The following ADAMTS2 variants were observed in gnomAD, a reference collection of about 807,000 sequenced individuals.
ADAMTS2 encodes ADAM metallopeptidase with thrombospondin type 1 motif 2.
ADAMTS2 carries 50 observed loss-of-function variants against 123.0 expected under a neutral mutation model. The observed-to-expected ratio is 0.41, with a 90% CI of 0.32 to 0.51. ADAMTS2 has a LOEUF of 0.51. Among genes scored for constraint, ADAMTS2 ranks in the 20% least tolerant of loss-of-function variants. The pLI, the probability that ADAMTS2 is intolerant of heterozygous loss-of-function variation, is 0.35. For missense variants in ADAMTS2, 1,494 were observed against 1,705.2 expected (o/e 0.88, Z 2.18); for synonymous variants, 678 against 695.4 (o/e 0.98, Z 0.39).
At chr5:179,192,372 G>C (rs1764326344) in intron 4 of ADAMTS2, among the ~76,000 whole-genome samples, 1 of 152,234 alleles carries the variant, frequency 6.6e-6, no homozygotes, top group Non-Finnish European at 1.5e-5. Flanking sequence ...ACCCAGAGCA[G>C]ATGTTCCAGC....
intron 2 of ADAMTS2, among the ~76,000 whole-genome samples, chr5:179,302,649 A>C (rs984239546): frequency 1.3e-5 from 2 of 151,828 alleles, no homozygotes; most frequent in Non-Finnish European, 2.9e-5. Flanking sequence ...CGGGGGGGCA[A>C]ATGGCAGTAA....
At chr5:179,224,460 G>T (rs1197903223) in intron 3 of ADAMTS2, among the ~76,000 whole-genome samples, 3 of 152,226 alleles carry the variant, frequency 2.0e-5, no homozygotes, top group Non-Finnish European at 4.4e-5. Context: ...GTTGAACAGA[G>T]AGAAACGGTC....
rs761111411 is a variant in ADAMTS2 at position 179,114,105 on chromosome 5, C to T, written c.3398G>A (p.Arg1133Gln). 27 of 1,613,986 alleles carry T rather than the reference C, an allele frequency of 1.7e-5. No individual in the cohort carries two copies. Among genetic ancestry groups the T allele is most frequent in the South Asian group, 8.8e-5 (8 of 91,076 alleles). The change falls in exon 22 of 22, where the codon CGG (arginine) becomes CAG (glutamine). Residue 1133 changes from arginine to glutamine, a missense_variant. Physicochemically the swap from Arg to Gln is conservative, Grantham distance 43. This residue lies in a region of ADAMTS2 where 953 missense variants were observed against 1,124.7 expected (regional missense o/e 0.85). Coordinates refer to ENST00000251582, the MANE Select transcript of ADAMTS2 (RefSeq NM_014244.5). ...CTCCAGGGGGGTGCTTGGTGATGGC[C>T]GCACCTCCATGGCTACAGTGGGCAC... is the stretch of plus-strand genomic sequence containing the variant. ...LPVPTVAMEV[R>Q]PSPSTPLEVP...
chr5:179,172,496 C>T (rs761039753), intron 5 of ADAMTS2, among the ~76,000 whole-genome samples: 4 of 152,338 alleles, frequency 2.6e-5, no homozygotes, highest in Non-Finnish European at 4.4e-5. Flanking sequence ...AACCCAGGGG[C>T]GTGGGCTTCT....
chr5:179,144,156 G>A (rs1410690768), intron 10 of ADAMTS2, among the ~76,000 whole-genome samples: 1 of 151,982 alleles, frequency 6.6e-6, no homozygotes, highest in Non-Finnish European at 1.5e-5. Flanking sequence ...ATTTAAAAAT[G>A]AAATTAAGAA....
In ADAMTS2 at chr5:179,143,092, C is replaced by T. The variant is rs141017896; in HGVS notation, c.1630-3057G>A. On this transcript the variant is annotated intron_variant, in intron 10 of 21. Coordinates refer to ENST00000251582, the MANE Select transcript of ADAMTS2 (RefSeq NM_014244.5). ...GAACTAAAGGAGAGTACAGGAATGA[C>T]GTGTCACCAAATGGAGAATCTCAGT... is the stretch of plus-strand genomic sequence containing the variant. Among the ~76,000 whole-genome samples, 6 of 152,166 alleles carry T rather than the reference C, an allele frequency of 3.9e-5. No individual in the cohort carries two copies. In the East Asian group the frequency reaches 9.6e-4, roughly 24 times the overall value.
At position 179,272,313 on chromosome 5, in the gene ADAMTS2, C is replaced by G. The variant is rs1766558649; in HGVS notation, c.688+598G>C. 6.6e-6 allele frequency among the ~76,000 whole-genome samples: 1 copy of G among 152,192 alleles called. No individual in the cohort carries two copies. The highest frequency in any genetic ancestry group is 1.5e-5 in the Non-Finnish European group (1 of 68,030). ...GTTCTGAGTTGAAAAAGACAGACGC[C>G]CATGAGTCTGTGCAGAGACTGCTGA... On this transcript the variant is annotated intron_variant, in intron 3 of 21. Coordinates refer to ENST00000251582, the MANE Select transcript of ADAMTS2 (RefSeq NM_014244.5). The surrounding 1 kb of genome is among the most constrained non-coding windows in gnomAD (Gnocchi z 5.8).
At chr5:179,293,653 G>A (rs371489275) in intron 2 of ADAMTS2, among the ~76,000 whole-genome samples, 27 of 152,090 alleles carry the variant, frequency 1.8e-4, no homozygotes, top group Admixed American at 9.8e-4. Context: ...TTGCTCTGTC[G>A]CCTAGGCTGG....
At chr5:179,134,805 TCCCGGCTCCAG>T (rs1763026942) in intron 13 of ADAMTS2, among the ~76,000 whole-genome samples, 9 of 52,622 alleles carry the variant, frequency 1.7e-4, no homozygotes, top group Non-Finnish European at 3.0e-4. Flanking sequence ...AGCCCCCAGC[TCCCGGCTCCAG>T]CCCCCAGCTC....
chr5:179,229,824 C>T (rs528871217), intron 3 of ADAMTS2, among the ~76,000 whole-genome samples: 3 of 152,162 alleles, frequency 2.0e-5, no homozygotes, highest in East Asian at 1.9e-4. Context: ...CGTAATTAGG[C>T]GTGAAATGGC....
chr5:179,341,729 AAAAG>A (rs370108806), intron 2 of ADAMTS2, among the ~76,000 whole-genome samples: 3 of 144,060 alleles, frequency 2.1e-5, no homozygotes, highest in African/African-American at 7.7e-5. Context: ...AAAAAAAAAA[AAAAG>A]AAAACAGAAC....
rs548719179 is a variant in ADAMTS2 at position 179,171,390 on chromosome 5, C to A, written c.975+9682G>T. Among the ~76,000 whole-genome samples, 3 of 152,318 alleles carry A rather than the reference C, an allele frequency of 2.0e-5. No homozygotes were observed. In the South Asian group the frequency reaches 6.2e-4, roughly 32 times the overall value. Reference sequence around the variant, plus strand: ...TTTTCCTAGCCGCTGTGCCCTCTACCCCAAGCCTTCAGCCCAGCCCCTAGC... The same window carrying A: ...TTTTCCTAGCCGCTGTGCCCTCTACACCAAGCCTTCAGCCCAGCCCCTAGC... On this transcript the variant is annotated intron_variant, in intron 5 of 21. Transcript: ENST00000251582.
rs910184400 is a variant in ADAMTS2, at chr5:179,181,467, C to T, written c.892-312G>A. ...AAAGCAGCCCTACGCTTGCTGTAGC[C>T]TCCAGCTGAAACACAACCTTCCCTT... On this transcript the variant is annotated intron_variant, in intron 4 of 21. Transcript: ENST00000251582. This position sits in a 1 kb window ranked among gnomAD's most constrained non-coding sequence, Gnocchi z 4.1. Among the ~76,000 whole-genome samples the T allele has an allele frequency of 2.0e-5, 3 of 152,156 alleles. No homozygotes were observed. The highest frequency in any genetic ancestry group is 7.2e-5 in the African/African-American group (3 of 41,420).
At chr5:179,183,820 T>C (rs1373843357) in intron 4 of ADAMTS2, among the ~76,000 whole-genome samples, 1 of 152,120 alleles carries the variant, frequency 6.6e-6, no homozygotes, top group Non-Finnish European at 1.5e-5. Flanking sequence ...ATGGGGCTTT[T>C]GGGAGGTAAT....
At chr5:179,127,703 C>T (rs1308477227) in intron 17 of ADAMTS2, among the ~76,000 whole-genome samples, 1 of 152,120 alleles carries the variant, frequency 6.6e-6, no homozygotes, top group Non-Finnish European at 1.5e-5. Flanking sequence ...CTGTCACCCC[C>T]ACACTGAAGC....
intron 21 of ADAMTS2, 43 bp downstream of exon 21, chr5:179,121,618 A>G: frequency 6.6e-7 from 1 of 1,516,846 alleles, no homozygotes; most frequent in Non-Finnish European, 9.1e-7. Flanking sequence ...GGCGCAGGGC[A>G]TGCACTGGAG....
chr5:179,315,225 A>G (rs973494725), intron 2 of ADAMTS2, among the ~76,000 whole-genome samples: 5 of 152,242 alleles, frequency 3.3e-5, no homozygotes, highest in Non-Finnish European at 7.3e-5. Flanking sequence ...CGCCATGGAC[A>G]AGATTAAATA....
chr5:179,294,470 G>T (rs915852866), intron 2 of ADAMTS2, among the ~76,000 whole-genome samples: 9 of 152,206 alleles, frequency 5.9e-5, no homozygotes, highest in Non-Finnish European at 1.3e-4. Context: ...CACCCTAGGG[G>T]GTGCCAGGAT....
chr5:179,132,346 A>C lies in ADAMTS2; in HGVS notation c.2210-36T>G. On this transcript the variant is annotated intron_variant, in intron 14 of 21. Transcript: ENST00000251582. The surrounding 1 kb of genome is among the most constrained non-coding windows in gnomAD (Gnocchi z 6.1). ...TGTGGAAAGACACAGAAAACTGAGA[A>C]GGGAAGGCGCCGCTCAAATTCGCAC... is the stretch of plus-strand genomic sequence containing the variant. The C allele has an allele frequency of 6.2e-7, 1 of 1,602,018 alleles. No homozygotes were observed. The highest frequency in any genetic ancestry group is 8.5e-7 in the Non-Finnish European group (1 of 1,169,746).
Sources: gnomAD v4.1 joint callset for allele counts (sites outside exome capture counted in the v4.1 genomes callset) on GRCh38, gnomAD v4.1.1 for gene constraint, gnomAD v4.1.1 regional missense constraint, Gnocchi (gnomAD v3.1) non-coding constraint, MANE v1.5 for transcripts, NCBI Gene and HGNC (gene_info 2026-07-23, HGNC 2026-07-21) for gene names.